The following PNPLA7 variants were observed in gnomAD, a reference collection of about 807,000 sequenced individuals.
The protein encoded by PNPLA7 is patatin like domain 7, lysophospholipase.
PNPLA7 carries 153 observed loss-of-function variants against 161.7 expected under a neutral mutation model. That is an observed-to-expected ratio of 0.95 (90% CI 0.83 to 1.08). The LOEUF (loss-of-function observed/expected upper bound fraction) is 1.08, where lower values mean the gene tolerates loss of function less well. PNPLA7 is among the 50% of genes least tolerant of loss of function. PNPLA7 has a pLI of 0.00. For missense variants in PNPLA7, 1,739 were observed against 1,856.6 expected (o/e 0.94, Z 1.16); for synonymous variants, 809 against 782.1 (o/e 1.03, Z -0.57).
Position 137,468,757 on chromosome 9 carries a change from A to C in PNPLA7, c.2883-1284T>G, listed in dbSNP as rs948968640. 6.6e-6 allele frequency among the ~76,000 whole-genome samples: 1 copy of C among 152,202 alleles called. No homozygotes were observed. The highest frequency in any genetic ancestry group is 2.4e-5 in the African/African-American group (1 of 41,518). ...GACCCTGTCTATAAAAAAGTTCTGG[A>C]AATGAACAGTGGCAATTGTTCATTT... On this transcript the variant is annotated intron_variant, in intron 25 of 34. Transcript: ENST00000406427. This position sits in a 1 kb window ranked among gnomAD's most constrained non-coding sequence, Gnocchi z 4.0.
intron 33 of PNPLA7, chr9:137,461,048 G>A (rs1831163691): frequency 2.5e-6 from 1 of 401,282 alleles, no homozygotes; most frequent in Non-Finnish European, 4.6e-6. Flanking sequence ...TGTGGATAGG[G>A]GCTGCCTTGC....
intron 15 of PNPLA7, 150 bp from the exon 16 acceptor site, chr9:137,501,046 T>G: frequency 1.5e-6 from 1 of 651,908 alleles, no homozygotes; most frequent in South Asian, 2.1e-5. Context: ...ACTGGAAACA[T>G]TTCGGCAGCG....
At chr9:137,526,519 C>T (rs535647144) in intron 8 of PNPLA7, among the ~76,000 whole-genome samples, 1 of 152,284 alleles carries the variant, frequency 6.6e-6, no homozygotes, top group Non-Finnish European at 1.5e-5. Context: ...CCTCATGATC[C>T]ACCCGCCTCA....
At position 137,519,936 on chromosome 9, in the gene PNPLA7, G is replaced by C. The variant is rs759049277; in HGVS notation, c.1065C>G (p.Leu355=). ...EEERLKKPPR[L]QESCDSDHGG... Reference sequence around the variant, plus strand: ...CAGTACCTGAGTCACAGGACTCCTGGAGCCGCGGTGGCTTTTTAAGCCGCT... The same window carrying C: ...CAGTACCTGAGTCACAGGACTCCTGCAGCCGCGGTGGCTTTTTAAGCCGCT... The change falls in exon 11 of 35, where the codon CTC becomes CTG. Residue 355 remains leucine, a synonymous_variant. Coordinates refer to ENST00000406427, the MANE Select transcript of PNPLA7 (RefSeq NM_001098537.3). The C allele has an allele frequency of 2.5e-6, 4 of 1,612,526 alleles. No homozygotes were observed. In the African/African-American group the frequency reaches 5.3e-5, roughly 22 times the overall value.
intron 25 of PNPLA7, among the ~76,000 whole-genome samples, chr9:137,469,351 G>A (rs1435271669): frequency 6.6e-6 from 1 of 152,202 alleles, no homozygotes; most frequent in East Asian, 1.9e-4. Context: ...ATGTATGTGT[G>A]ATCAGAGCCA....
chr9:137,467,176 C>T lies in PNPLA7; in HGVS notation c.3039+141G>A. 5 of 1,187,778 alleles carry T rather than the reference C, an allele frequency of 4.2e-6. No homozygotes were observed. Among genetic ancestry groups the T allele is most frequent in the East Asian group, 2.6e-5 (1 of 38,720 alleles). The allele number at this position is 1,187,778 out of a possible 1,614,324, so 73.6% of individuals were successfully genotyped here. A position where few individuals can be genotyped will look rare whatever the true frequency, so the allele number is the denominator to read the frequency against. On this transcript the variant is annotated intron_variant, in intron 26 of 34. Coordinates refer to ENST00000406427, the MANE Select transcript of PNPLA7 (RefSeq NM_001098537.3). The surrounding 1 kb of genome is among the most constrained non-coding windows in gnomAD (Gnocchi z 5.1). ...TGGTGCTCCTTTGCCTCACAAGCTG[C>T]ACTGGGAGGCTTCAGGGGGTAGCCT... is the stretch of plus-strand genomic sequence containing the variant.
Position 137,548,260 on chromosome 9 carries a change from G to A in PNPLA7, c.31-601C>T, listed in dbSNP as rs148472716. Reference sequence around the variant, plus strand: ...GAAGTGAAAGAGAAAACGAGAAGACGAGAAGACGACACCAGCCAGACAGGC... The same window carrying A: ...GAAGTGAAAGAGAAAACGAGAAGACAAGAAGACGACACCAGCCAGACAGGC... On this transcript the variant is annotated intron_variant, in intron 1 of 34. Coordinates refer to ENST00000406427, the MANE Select transcript of PNPLA7 (RefSeq NM_001098537.3). Among the ~76,000 whole-genome samples the A allele has an allele frequency of 7.9e-3, 1,203 of 152,252 alleles. 6 individuals carry two copies. Among genetic ancestry groups the A allele is most frequent in the Middle Eastern group, 0.034 (10 of 294 alleles).
chr9:137,479,363 G>A (rs1832094830), intron 23 of PNPLA7, 125 bp from the exon 24 acceptor site: 1 of 1,355,644 alleles, frequency 7.4e-7, no homozygotes. Flanking sequence ...GTTCTGCAAA[G>A]CAACTTGGCT....
At position 137,462,061 on chromosome 9, in the gene PNPLA7, C is replaced by G; in HGVS notation, c.3646-20G>C. ...CACTTCCTGTGCACACCCCCAGGGCCCCGTCAGGAGGTGTGGGGAGCCCCC... is the reference window on the plus strand; with the variant it reads ...CACTTCCTGTGCACACCCCCAGGGCGCCGTCAGGAGGTGTGGGGAGCCCCC... On this transcript the variant is annotated intron_variant, in intron 31 of 34. Coordinates refer to ENST00000406427, the MANE Select transcript of PNPLA7 (RefSeq NM_001098537.3). 6.4e-7 allele frequency: 1 copy of G among 1,560,300 alleles called. No homozygotes were observed.
chr9:137,464,174 C>T lies in PNPLA7; in HGVS notation c.3178G>A (p.Ala1060Thr), dbSNP rs1237448140. 6.8e-6 allele frequency: 11 copies of T among 1,613,670 alleles called. No homozygotes were observed. The highest frequency in any genetic ancestry group is 3.3e-5 in the South Asian group (3 of 91,062). Residue 1060 changes from alanine to threonine, a missense_variant, in exon 28 of 35, where the codon GCC becomes ACC. Physicochemically the swap from Ala to Thr is moderately conservative, Grantham distance 58. Around this residue, in one of 6 missense-constraint regions of PNPLA7, gnomAD observed 703 missense variants for 694.6 expected, o/e 1.01. Transcript: ENST00000406427. The part of the protein sequence containing the change: ...QIEDLWIPYF[A>T]ITTDITASAM... ...GAGGCTGTGATGTCGGTGGTGATGGCGAAATAAGGAATCCACAGGTCCTGC... is the reference window on the plus strand; with the variant it reads ...GAGGCTGTGATGTCGGTGGTGATGGTGAAATAAGGAATCCACAGGTCCTGC...
At chr9:137,482,880 GTTTTT>G (rs1564295829) in intron 21 of PNPLA7, among the ~76,000 whole-genome samples, 2 of 152,204 alleles carry the variant, frequency 1.3e-5, no homozygotes, top group African/African-American at 4.8e-5. Context: ...TTTTTTGTTT[GTTTTT>G]GTTTTGACAC....
At position 137,467,264 on chromosome 9, in the gene PNPLA7, C is replaced by A. The variant is rs1394790435; in HGVS notation, c.3039+53G>T. 3.2e-6 allele frequency: 5 copies of A among 1,554,218 alleles called. No homozygotes were observed. In the African/African-American group the frequency reaches 5.4e-5, roughly 17 times the overall value. On this transcript the variant is annotated intron_variant, in intron 26 of 34. Coordinates refer to ENST00000406427, the MANE Select transcript of PNPLA7 (RefSeq NM_001098537.3). This position sits in a 1 kb window ranked among gnomAD's most constrained non-coding sequence, Gnocchi z 5.1. ...CCAACGGCCCCAGCGTCCCCCAGCA[C>A]CAGCAAGGACCTGGGGGCTGTGCTC...
At chr9:137,481,870 A>G (rs1277344809) in intron 21 of PNPLA7, among the ~76,000 whole-genome samples, 1 of 152,202 alleles carries the variant, frequency 6.6e-6, no homozygotes, top group African/African-American at 2.4e-5. Context: ...CGGGAGGTGG[A>G]GCTTGCAGTG....
In PNPLA7 at chr9:137,537,764, G is replaced by GA; in HGVS notation, c.747+2877dup. On this transcript the variant is annotated intron_variant, in intron 8 of 34. Transcript: ENST00000406427. This position sits in a 1 kb window ranked among gnomAD's most constrained non-coding sequence, Gnocchi z 4.5. Reference sequence around the variant, plus strand: ...CTCAGCGCACAGCTCCCCTCTCCTGGAACAGGCATGGCTGCACTGTGATAA... The same window carrying GA: ...CTCAGCGCACAGCTCCCCTCTCCTGGAAACAGGCATGGCTGCACTGTGATAA... 6.6e-6 allele frequency among the ~76,000 whole-genome samples: 1 copy of GA among 152,324 alleles called. No homozygotes were observed. The highest frequency in any genetic ancestry group is 2.4e-5 in the African/African-American group (1 of 41,548).
Position 137,543,410 on chromosome 9 carries a change from C to CG in PNPLA7, c.506+21dup, listed in dbSNP as rs1564370431. On this transcript the variant is annotated intron_variant, in intron 6 of 34. Transcript: ENST00000406427. This position sits in a 1 kb window ranked among gnomAD's most constrained non-coding sequence, Gnocchi z 6.9. ...GGGCTATGGGAGCTGCCGCAGCCCC[C>CG]GGGGCTCATCCCCGCTCTTACCGAA... 4 of 1,613,746 alleles carry CG rather than the reference C, an allele frequency of 2.5e-6. No homozygotes were observed. Among genetic ancestry groups the CG allele is most frequent in the Non-Finnish European group, 2.5e-6 (3 of 1,179,978 alleles).
At chr9:137,525,595 C>G (rs1406212753) in intron 8 of PNPLA7, among the ~76,000 whole-genome samples, 1 of 152,106 alleles carries the variant, frequency 6.6e-6, no homozygotes, top group African/African-American at 2.4e-5. Flanking sequence ...TCGGAGAGAT[C>G]AAACACTTTA....
At chr9:137,488,571 A>G (rs1223838776) in intron 20 of PNPLA7, among the ~76,000 whole-genome samples, 1 of 152,162 alleles carries the variant, frequency 6.6e-6, no homozygotes, top group Non-Finnish European at 1.5e-5. Context: ...GGACTCATGG[A>G]GGAACCACTT....
At chr9:137,527,123 C>T (rs1387221041) in intron 8 of PNPLA7, among the ~76,000 whole-genome samples, 4 of 151,912 alleles carry the variant, frequency 2.6e-5, no homozygotes, top group Non-Finnish European at 5.9e-5. Context: ...AAAAATTAGC[C>T]GGGTGTGGTG....
In PNPLA7 at chr9:137,502,995, T is replaced by C. The variant is rs546847514; in HGVS notation, c.1474-1268A>G. Among the ~76,000 whole-genome samples the C allele has an allele frequency of 1.1e-4, 17 of 151,992 alleles. No homozygotes were observed. The East Asian group carries it at 3.3e-3, about 29-fold the overall frequency. On this transcript the variant is annotated intron_variant, in intron 14 of 34. Transcript: ENST00000406427. ...AACAAGGTGGGCTGTGGTGTGATCG[T>C]TACTGTGAGGGATGCTAGGTACTCA...
Sources: gnomAD v4.1 joint callset for allele counts (sites outside exome capture counted in the v4.1 genomes callset) on GRCh38, gnomAD v4.1.1 for gene constraint, gnomAD v4.1.1 regional missense constraint, Gnocchi (gnomAD v3.1) non-coding constraint, MANE v1.5 for transcripts, NCBI Gene and HGNC (gene_info 2026-07-23, HGNC 2026-07-21) for gene names.